Variants in ZWILCH observed in about 807,000 individuals in gnomAD.
The protein encoded by ZWILCH is protein zwilch homolog.
Under a neutral mutation model 79.9 loss-of-function variants are expected in ZWILCH, and 74 were observed. That is an observed-to-expected ratio of 0.93 (90% confidence interval 0.77 to 1.12). The LOEUF (loss-of-function observed/expected upper bound fraction) is 1.12, where lower values mean the gene tolerates loss of function less well. Ranked by LOEUF, ZWILCH falls within the 50% of genes most tolerant of loss-of-function variation. The pLI is 0.00. For synonymous variants in ZWILCH, 241 were observed against 228.2 expected (o/e 1.06, Z -0.51); for missense variants, 694 against 687.5 (o/e 1.01, Z -0.11).
intron 6 of ZWILCH, 73 bp from the exon 7 acceptor site, chr15:66,520,977 A>G (rs1894470694): frequency 1.3e-6 from 2 of 1,526,242 alleles, no homozygotes; most frequent in East Asian, 4.5e-5. Flanking sequence ...ACAAGGATCA[A>G]AATAATTTGG....
intron 17 of ZWILCH, among the ~76,000 whole-genome samples, chr15:66,545,946 A>G (rs1595926219): frequency 1.3e-5 from 2 of 152,230 alleles, no homozygotes; most frequent in Admixed American, 6.5e-5. Context: ...AATAGTTGAC[A>G]TCAAAGGCAG....
intron 17 of ZWILCH, among the ~76,000 whole-genome samples, chr15:66,541,702 G>A (rs999686868): frequency 3.3e-5 from 5 of 152,158 alleles, no homozygotes; most frequent in South Asian, 2.1e-4. Context: ...CTTCATGCAC[G>A]TGGGTTGTAC....
intron 11 of ZWILCH, 33 bp downstream of exon 11, chr15:66,528,990 T>C (rs1287404585): frequency 1.3e-6 from 2 of 1,555,142 alleles, no homozygotes; most frequent in South Asian, 2.2e-5. Context: ...ATTTTTCCTC[T>C]TATTTCTTAG....
At chr15:66,531,026 C>G (rs1358024027) in intron 12 of ZWILCH, among the ~76,000 whole-genome samples, 1 of 152,114 alleles carries the variant, frequency 6.6e-6, no homozygotes, top group Admixed American at 6.5e-5. Context: ...AAAGACCTTG[C>G]AAAGATTATG....
rs1330508801 is a variant in ZWILCH, at chr15:66,549,788, T to G, written c.*1464T>G. The G allele has an allele frequency of 2.9e-5, 9 of 308,616 alleles. No homozygotes were observed. The highest frequency in any genetic ancestry group is 5.3e-5 in the Non-Finnish European group (9 of 169,992). The allele number at this position is 308,616 out of a possible 1,614,324, so 19.1% of individuals were successfully genotyped here. On this transcript the variant is annotated 3_prime_UTR_variant, in exon 19 of 19. Transcript: ENST00000307897. ...TAACAAAAATAGTAGGTATATAAAT[T>G]TATAGGTATGATTCTGAAAGAATAA... is the stretch of plus-strand genomic sequence containing the variant.
In ZWILCH at chr15:66,520,594, T is replaced by C. The variant is rs777587530; in HGVS notation, c.525T>C (p.Asp175=). 1 of 1,468,358 alleles carries C rather than the reference T, an allele frequency of 6.8e-7. No homozygotes were observed. The highest frequency in any genetic ancestry group is 9.5e-7 in the Non-Finnish European group (1 of 1,056,238). 91.0% of individuals were successfully genotyped at this position (1,468,358 alleles called of 1,614,324 possible). The change falls in exon 6 of 19, where the codon GAT becomes GAC. Residue 175 remains aspartate, a synonymous_variant. Coordinates refer to ENST00000307897, the MANE Select transcript of ZWILCH (RefSeq NM_017975.5). ...TCTTTCTTTCATTTCCTATAGCTGA[T>C]AAAAATTATTCTGTAAATCTTGAAA... ...IVLYVVSCKA[D]KNYSVNLENL... is the part of the protein sequence containing the mutation.
At chr15:66,523,059 C>T (rs1894555302) in intron 7 of ZWILCH, among the ~76,000 whole-genome samples, 1 of 152,178 alleles carries the variant, frequency 6.6e-6, no homozygotes, top group South Asian at 2.1e-4. Flanking sequence ...CTGACCTCAA[C>T]TGATTCACTC....
At chr15:66,514,998 G>A (rs1308209076) in intron 3 of ZWILCH, among the ~76,000 whole-genome samples, 1 of 152,068 alleles carries the variant, frequency 6.6e-6, no homozygotes, top group Non-Finnish European at 1.5e-5. Context: ...CTGGAGTGTG[G>A]TGGTACTGTC....
Position 66,544,128 on chromosome 15 carries a change from A to G in ZWILCH, c.1688-2463A>G, listed in dbSNP as rs371895533. On this transcript the variant is annotated intron_variant, in intron 17 of 18. Coordinates refer to ENST00000307897, the MANE Select transcript of ZWILCH (RefSeq NM_017975.5). The stretch of plus-strand genomic sequence containing the variant: ...AAAAATTAGCCGGGCATGGTGGCGC[A>G]TGCCTGTAATCCCAGCTACTCAGGA... Among the ~76,000 whole-genome samples, 4 of 151,992 alleles carry G rather than the reference A, an allele frequency of 2.6e-5. No individual in the cohort carries two copies. The South Asian group carries it at 8.3e-4, about 32-fold the overall frequency.
intron 4 of ZWILCH, among the ~76,000 whole-genome samples, chr15:66,517,328 A>G (rs749447916): frequency 6.6e-6 from 1 of 150,784 alleles, no homozygotes; most frequent in Non-Finnish European, 1.5e-5. Context: ...GTATTCATAT[A>G]TAGTTATATA....
At chr15:66,540,776 G>A (rs1895168297) in intron 17 of ZWILCH, among the ~76,000 whole-genome samples, 1 of 149,568 alleles carries the variant, frequency 6.7e-6, no homozygotes, top group Non-Finnish European at 1.5e-5. Flanking sequence ...TTACAGGTAC[G>A]TGCTACCACA....
Position 66,550,116 on chromosome 15 carries a change from C to T in ZWILCH, c.*1792C>T. 1.9e-6 allele frequency: 3 copies of T among 1,573,236 alleles called. No individual in the cohort carries two copies. The highest frequency in any genetic ancestry group is 2.6e-6 in the Non-Finnish European group (3 of 1,156,554). On this transcript the variant is annotated 3_prime_UTR_variant, in exon 19 of 19. Coordinates refer to ENST00000307897, the MANE Select transcript of ZWILCH (RefSeq NM_017975.5). ...TACCAACTTTCCACCTAATAAAAACCCACTTGATAAGTAATGTTGTCTTAG... is the reference window on the plus strand; with the variant it reads ...TACCAACTTTCCACCTAATAAAAACTCACTTGATAAGTAATGTTGTCTTAG...
At chr15:66,527,435 T>TTA in intron 9 of ZWILCH, 52 bp downstream of exon 9, 1 of 1,385,582 alleles carries the variant, frequency 7.2e-7, no homozygotes, top group Non-Finnish European at 1.0e-6. Flanking sequence ...TGTTTAAATA[T>TTA]AAGTTTCTCT....
chr15:66,540,082 T>A lies in ZWILCH; in HGVS notation c.1575-16T>A. 6.3e-7 allele frequency: 1 copy of A among 1,583,990 alleles called. No homozygotes were observed. Among genetic ancestry groups the A allele is most frequent in the South Asian group, 1.1e-5 (1 of 87,950 alleles). The stretch of plus-strand genomic sequence containing the variant: ...TTTTTGAAAATTTTTCTTTTGTCGT[T>A]TTATTCTTTCCTTAGTGAGAAGCCA... On this transcript the variant is annotated splice_polypyrimidine_tract_variant and intron_variant, in intron 16 of 18. Coordinates refer to ENST00000307897, the MANE Select transcript of ZWILCH (RefSeq NM_017975.5).
intron 4 of ZWILCH, 22 bp downstream of exon 4, chr15:66,515,666 G>C (rs1894224910): frequency 6.7e-7 from 1 of 1,497,376 alleles, no homozygotes; most frequent in African/African-American, 1.4e-5. Context: ...CTTATGCTGA[G>C]TAGGGGTGGC....
intron 12 of ZWILCH, among the ~76,000 whole-genome samples, chr15:66,530,160 A>G (rs569969306): frequency 2.8e-4 from 43 of 152,392 alleles, no homozygotes; most frequent in African/African-American, 1.0e-3. Context: ...ATATAGCTAC[A>G]TATGGCACAT....
chr15:66,528,212 TC>T (rs1251415916), intron 10 of ZWILCH, among the ~76,000 whole-genome samples: 2 of 152,214 alleles, frequency 1.3e-5, no homozygotes, highest in Admixed American at 1.3e-4. Context: ...CAAGCGATCC[TC>T]CCACCTCAGG....
intron 12 of ZWILCH, among the ~76,000 whole-genome samples, chr15:66,531,897 T>A (rs1475874359): frequency 6.6e-6 from 1 of 151,742 alleles, no homozygotes; most frequent in Non-Finnish European, 1.5e-5. Flanking sequence ...TGAAACCCCA[T>A]CTCTACTAAA....
At chr15:66,517,050 G>T (rs904432198) in intron 4 of ZWILCH, among the ~76,000 whole-genome samples, 1 of 151,876 alleles carries the variant, frequency 6.6e-6, no homozygotes, top group African/African-American at 2.4e-5. Context: ...CTGGACATCT[G>T]TTGGTAATCA....
Sources: allele counts gnomAD v4.1 joint callset (sites outside exome capture counted in the v4.1 genomes callset), GRCh38; gene constraint gnomAD v4.1.1; transcripts MANE v1.5; gene names NCBI Gene and HGNC (gene_info 2026-07-23, HGNC 2026-07-21).